ZMYND8: variants seen among roughly 807,000 people sequenced by gnomAD.
ZMYND8 encodes the protein zinc finger MYND-type containing 8.
In ZMYND8, 37 loss-of-function variants were observed where a neutral mutation model predicts 140.8. The ratio of observed to expected loss-of-function variants is 0.26; its 90% CI spans 0.20 to 0.35. The LOEUF (loss-of-function observed/expected upper bound fraction) is 0.35, where lower values mean the gene tolerates loss of function less well. ZMYND8 is among the 10% of genes least tolerant of loss of function. The pLI, the probability that ZMYND8 is intolerant of heterozygous loss-of-function variation, is 1.00. For synonymous variants in ZMYND8, 592 were observed against 597.1 expected (o/e 0.99, Z 0.12); for missense variants, 1,068 against 1,570.0 (o/e 0.68, Z 5.40).
At position 47,338,446 on chromosome 20, in the gene ZMYND8, C is replaced by T. The variant is rs541157354; in HGVS notation, c.85+9410G>A. 1.2e-4 allele frequency among the ~76,000 whole-genome samples: 18 copies of T among 152,108 alleles called. 1 individual carries two copies. In the South Asian group the frequency reaches 3.7e-3, roughly 32 times the overall value. Reference sequence around the variant, plus strand: ...GCTGGAGGAAAAAAAAAAACATGTTCACTGAGCCTGGAGATCATCCCACTG... The same window carrying T: ...GCTGGAGGAAAAAAAAAAACATGTTTACTGAGCCTGGAGATCATCCCACTG... On this transcript the variant is annotated intron_variant, in intron 2 of 22. Transcript: ENST00000471951.
intron 3 of ZMYND8, among the ~76,000 whole-genome samples, chr20:47,306,950 C>G (rs950365313): frequency 1.3e-5 from 2 of 152,124 alleles, no homozygotes; most frequent in Admixed American, 6.6e-5. Context: ...CAAGCAAGCA[C>G]AGGCCTGTGT....
At chr20:47,221,193 G>A (rs1013297453) in intron 20 of ZMYND8, 121 bp downstream of exon 20, 141 of 1,357,894 alleles carry the variant, frequency 1.0e-4, no homozygotes, top group East Asian at 5.3e-4. Flanking sequence ...TGGAAATGCC[G>A]GCACACTGTT....
At chr20:47,327,783 A>G (rs2080568756) in intron 2 of ZMYND8, among the ~76,000 whole-genome samples, 1 of 152,144 alleles carries the variant, frequency 6.6e-6, no homozygotes, top group Non-Finnish European at 1.5e-5. Flanking sequence ...ATTATTCTTA[A>G]CTTTCAGATA....
At chr20:47,285,635 G>T in intron 8 of ZMYND8, 1 of 954,010 alleles carries the variant, frequency 1.0e-6, no homozygotes, top group Non-Finnish European at 1.2e-6. Context: ...CAGCCTCATA[G>T]TAGTTTTATT....
intron 11 of ZMYND8, among the ~76,000 whole-genome samples, chr20:47,274,695 C>T (rs1053582270): frequency 1.3e-5 from 2 of 152,142 alleles, no homozygotes; most frequent in Non-Finnish European, 2.9e-5. Flanking sequence ...GACCACACAG[C>T]TATGAATCAG....
chr20:47,335,285 T>A (rs1327648563), intron 2 of ZMYND8, among the ~76,000 whole-genome samples: 1 of 151,860 alleles, frequency 6.6e-6, no homozygotes, highest in Non-Finnish European at 1.5e-5. Context: ...GTATGGTATG[T>A]GAATTATATG....
intron 2 of ZMYND8, among the ~76,000 whole-genome samples, chr20:47,324,279 G>A (rs1243568549): frequency 6.6e-6 from 1 of 151,686 alleles, no homozygotes; most frequent in Admixed American, 6.6e-5. Flanking sequence ...CACTTTGGGA[G>A]GCCAAGGCAG....
intron 20 of ZMYND8, among the ~76,000 whole-genome samples, chr20:47,220,605 C>A (rs1158035556): frequency 3.3e-5 from 5 of 151,774 alleles, no homozygotes; most frequent in African/African-American, 1.2e-4. Context: ...ACTAACAGAA[C>A]CCCCTCCAGA....
chr20:47,327,972 G>A (rs545354202), intron 2 of ZMYND8, among the ~76,000 whole-genome samples: 4 of 152,126 alleles, frequency 2.6e-5, no homozygotes, highest in East Asian at 1.9e-4. Flanking sequence ...ATGCCACCAA[G>A]CTCAGCAATT....
chr20:47,345,296 G>C (rs1461116432), intron 2 of ZMYND8, among the ~76,000 whole-genome samples: 2 of 152,028 alleles, frequency 1.3e-5, no homozygotes, highest in African/African-American at 4.8e-5. Context: ...AGACACACAG[G>C]GGCCCCAAGG....
At chr20:47,348,098 A>G in intron 1 of ZMYND8, 172 bp from the exon 2 acceptor site, 1 of 673,382 alleles carries the variant, frequency 1.5e-6, no homozygotes, top group South Asian at 1.6e-5. Flanking sequence ...AGAGTCCTAA[A>G]GGAGTTTTTT....
At chr20:47,291,694 G>A (rs1241373589) in intron 6 of ZMYND8, 102 bp downstream of exon 6, 2 of 778,802 alleles carry the variant, frequency 2.6e-6, no homozygotes, top group African/African-American at 1.8e-5. Flanking sequence ...AACAATTTAA[G>A]ATTGTTATGT....
chr20:47,350,618 T>TG (rs1355849688), intron 1 of ZMYND8, among the ~76,000 whole-genome samples: 1 of 152,144 alleles, frequency 6.6e-6, no homozygotes, highest in Non-Finnish European at 1.5e-5. Context: ...TTCAGTCATT[T>TG]GGGGGAAAAA....
chr20:47,293,990 G>A (rs1407347834), intron 5 of ZMYND8, among the ~76,000 whole-genome samples: 5 of 151,824 alleles, frequency 3.3e-5, no homozygotes, highest in East Asian at 1.9e-4. Flanking sequence ...CTTCCCCTTC[G>A]CCTTCCACCA....
intron 9 of ZMYND8, among the ~76,000 whole-genome samples, chr20:47,283,120 A>G (rs973335866): frequency 6.6e-6 from 1 of 152,198 alleles, no homozygotes; most frequent in Non-Finnish European, 1.5e-5. Flanking sequence ...TGGAGAAGGC[A>G]GATCCACAGG....
intron 21 of ZMYND8, among the ~76,000 whole-genome samples, chr20:47,214,339 C>T (rs2035746679): frequency 6.6e-6 from 1 of 152,200 alleles, no homozygotes; most frequent in Non-Finnish European, 1.5e-5. Flanking sequence ...CAGACCTCTG[C>T]GGCCTCCCTG....
At chr20:47,305,241 C>T (rs2078386517) in intron 3 of ZMYND8, among the ~76,000 whole-genome samples, 1 of 150,836 alleles carries the variant, frequency 6.6e-6, no homozygotes, top group African/African-American at 2.4e-5. Flanking sequence ...AAAGCCCTGC[C>T]TCTTTTTTTT....
At chr20:47,290,339 G>A (rs923423860) in intron 6 of ZMYND8, 65 bp from the exon 7 acceptor site, 3 of 1,415,652 alleles carry the variant, frequency 2.1e-6, no homozygotes, top group East Asian at 4.7e-5. Flanking sequence ...AGTGACTCTT[G>A]TGTCCCCACA....
At chr20:47,331,642 G>A (rs953924149) in intron 2 of ZMYND8, among the ~76,000 whole-genome samples, 1 of 151,846 alleles carries the variant, frequency 6.6e-6, no homozygotes, top group Non-Finnish European at 1.5e-5. Context: ...AGCATTTAAT[G>A]GCCAGAGAGA....
Sources: gnomAD v4.1 joint callset for allele counts (sites outside exome capture counted in the v4.1 genomes callset) on GRCh38, gnomAD v4.1.1 for gene constraint, MANE v1.5 for transcripts, NCBI Gene and HGNC (gene_info 2026-07-23, HGNC 2026-07-21) for gene names.